The following KIF13B variants were observed in gnomAD, a reference collection of about 807,000 sequenced individuals.
KIF13B encodes kinesin-like protein KIF13B.
KIF13B carries 127 observed loss-of-function variants against 222.0 expected under a neutral mutation model. The observed-to-expected ratio is 0.57, with a 90% CI of 0.50 to 0.66. The LOEUF (loss-of-function observed/expected upper bound fraction) is 0.66. Among genes scored for constraint, KIF13B ranks in the 30% least tolerant of loss-of-function variants. KIF13B has a pLI of 0.00. For missense variants in KIF13B, 2,173 were observed against 2,379.0 expected, an observed-to-expected ratio of 0.91 and a Z score of 1.80; for synonymous variants, 976 against 919.0, an observed-to-expected ratio of 1.06 and a Z score of -1.12.
rs370503075 is a variant in KIF13B at position 29,241,687 on chromosome 8, G to A, written c.149+3659C>T. 1.0e-4 allele frequency among the ~76,000 whole-genome samples: 13 copies of A among 124,970 alleles called. 1 individual carries two copies. The highest frequency in any genetic ancestry group is 2.5e-4 in the African/African-American group (8 of 31,674). 82.0% of individuals were successfully genotyped at this position (124,970 alleles called of 152,430 possible). A position where few individuals can be genotyped will look rare whatever the true frequency, so the allele number is the denominator to read the frequency against. On this transcript the variant is annotated intron_variant, in intron 2 of 39. Transcript: ENST00000524189. ...CAGTCTCTGTGCTTTTCATCACCAC[G>A]CACCCGCAGCAAGGGAGGGAAAAAA...
intron 2 of KIF13B, among the ~76,000 whole-genome samples, chr8:29,232,354 T>C (rs1815322428): frequency 6.7e-6 from 1 of 149,300 alleles, no homozygotes. Context: ...GGAGGATCAC[T>C]TGAGGCCAGG....
intron 13 of KIF13B, among the ~76,000 whole-genome samples, chr8:29,159,982 C>G (rs1409159027): frequency 1.3e-5 from 2 of 152,234 alleles, no homozygotes; most frequent in African/African-American, 2.4e-5. Flanking sequence ...GGGAAAGAAA[C>G]TGTGTGCCAA....
chr8:29,197,349 A>C (rs1431280496), intron 2 of KIF13B, among the ~76,000 whole-genome samples: 4 of 149,686 alleles, frequency 2.7e-5, no homozygotes, highest in Non-Finnish European at 4.5e-5. Context: ...AAAAAAAAAA[A>C]AAAAAAAAAA....
chr8:29,116,455 C>T (rs996801024), intron 31 of KIF13B, among the ~76,000 whole-genome samples: 7 of 151,662 alleles, frequency 4.6e-5, no homozygotes, highest in African/African-American at 1.7e-4. Context: ...AGCAACAGAG[C>T]AAGACTCTAT....
At chr8:29,212,221 T>G (rs1038777261) in intron 2 of KIF13B, among the ~76,000 whole-genome samples, 1 of 152,220 alleles carries the variant, frequency 6.6e-6, no homozygotes, top group Non-Finnish European at 1.5e-5. Flanking sequence ...TTGGGTCACA[T>G]GGTAAGTATG....
At position 29,260,255 on chromosome 8, in the gene KIF13B, C is replaced by A. The variant is rs375905837; in HGVS notation, c.55+2725G>T. On this transcript the variant is annotated intron_variant, in intron 1 of 39. Transcript: ENST00000524189. ...CCTTAAAACTCCAAACACCTAAGCACAACCACTGAATCACACAAGAACTTA... is the reference window on the plus strand; with the variant it reads ...CCTTAAAACTCCAAACACCTAAGCAAAACCACTGAATCACACAAGAACTTA... 9.2e-5 allele frequency among the ~76,000 whole-genome samples: 14 copies of A among 152,316 alleles called. No homozygotes were observed. In the East Asian group the frequency reaches 1.7e-3, roughly 19 times the overall value.
At chr8:29,148,997 T>G (rs748922255) in intron 15 of KIF13B, among the ~76,000 whole-genome samples, 12 of 151,134 alleles carry the variant, frequency 7.9e-5, no homozygotes, top group Non-Finnish European at 1.6e-4. Context: ...AAGCTCAGAG[T>G]GAAAGGAAAG....
At chr8:29,074,837 T>C (rs969384836) in intron 38 of KIF13B, among the ~76,000 whole-genome samples, 12 of 152,194 alleles carry the variant, frequency 7.9e-5, no homozygotes, top group African/African-American at 1.2e-4. Flanking sequence ...TGGGAGAAAA[T>C]AGATTTGCTA....
chr8:29,102,941 G>A (rs1026860601), intron 35 of KIF13B, among the ~76,000 whole-genome samples: 2 of 152,132 alleles, frequency 1.3e-5, no homozygotes, highest in Non-Finnish European at 2.9e-5. Flanking sequence ...AATAACTTTG[G>A]AAATAAAAAT....
chr8:29,073,060 C>CAGAGGGACGAGGAGGGGTACGAGG (rs1563678104), intron 38 of KIF13B, among the ~76,000 whole-genome samples: 1 of 120,930 alleles, frequency 8.3e-6, no homozygotes, highest in African/African-American at 2.9e-5. Flanking sequence ...AGCAAGGCAG[C>CAGAGGGACGAGGAGGGGTACGAGG]AGGGGGACGA....
At chr8:29,156,889 T>C (rs1811557694) in intron 13 of KIF13B, among the ~76,000 whole-genome samples, 1 of 152,066 alleles carries the variant, frequency 6.6e-6, no homozygotes, top group Non-Finnish European at 1.5e-5. Context: ...ATATATCAAA[T>C]GGAATAAGCG....
In KIF13B at chr8:29,229,088, T is replaced by TAAAAAAAAAAAAA. The variant is rs370080449; in HGVS notation, c.149+16245_149+16257dup. 1.6e-4 allele frequency among the ~76,000 whole-genome samples: 15 copies of TAAAAAAAAAAAAA among 94,692 alleles called. 2 individuals are homozygous for TAAAAAAAAAAAAA. The highest frequency in any genetic ancestry group is 6.2e-4 in the East Asian group (2 of 3,232). The allele number at this position is 94,692 out of a possible 152,430, so 62.1% of individuals were successfully genotyped here. A position where few individuals can be genotyped will look rare whatever the true frequency, so the allele number is the denominator to read the frequency against. ...TTTCCTAACTCCAGAATGTCAGCTT[T>TAAAAAAAAAAAAA]AAAAAAAAAAAAAAAAAAAAAAAGC... is the stretch of plus-strand genomic sequence containing the variant. On this transcript the variant is annotated intron_variant, in intron 2 of 39. Transcript: ENST00000524189.
At chr8:29,142,551 G>C (rs755628528) in intron 18 of KIF13B, among the ~76,000 whole-genome samples, 2 of 152,054 alleles carry the variant, frequency 1.3e-5, no homozygotes, top group Non-Finnish European at 2.9e-5. Flanking sequence ...AATTTTTTGG[G>C]GGGAGTTGCT....
chr8:29,150,780 A>G (rs1032077838), intron 14 of KIF13B, among the ~76,000 whole-genome samples: 3 of 152,220 alleles, frequency 2.0e-5, no homozygotes, highest in African/African-American at 7.2e-5. Flanking sequence ...AACTGCACCC[A>G]TGTAAAATGG....
intron 21 of KIF13B, among the ~76,000 whole-genome samples, chr8:29,135,538 T>C (rs1211082321): frequency 1.3e-5 from 2 of 152,224 alleles, no homozygotes; most frequent in African/African-American, 4.8e-5. Context: ...TGTTGTATGA[T>C]TTAATCTACC....
intron 2 of KIF13B, chr8:29,219,408 A>AAG (rs1259844061): frequency 6.6e-6 from 1 of 152,360 alleles, no homozygotes; most frequent in Non-Finnish European, 1.5e-5. Context: ...AAAGCAAGAA[A>AAG]AGGAAGAGGA....
At chr8:29,131,862 A>T (rs1300140052) in intron 23 of KIF13B, among the ~76,000 whole-genome samples, 1 of 152,252 alleles carries the variant, frequency 6.6e-6, no homozygotes, top group Non-Finnish European at 1.5e-5. Context: ...CCCTGGAGAC[A>T]CTGCCATCCC....
Position 29,228,472 on chromosome 8 carries a change from A to AAAAAAAAAAAAATATATATATATAT in KIF13B, c.149+16873_149+16874insATATATATATATATTTTTTTTTTTT. ...ACAGAGCCAGACTCCATCTTAAAAAAATATATATATATATATATGAGATAC... is the reference window on the plus strand; with the variant it reads ...ACAGAGCCAGACTCCATCTTAAAAAAAAAAAAAAAAAATATATATATATATATATATATATATATATATGAGATAC... On this transcript the variant is annotated intron_variant, in intron 2 of 39. Coordinates refer to ENST00000524189, the MANE Select transcript of KIF13B (RefSeq NM_015254.4). 3.4e-5 allele frequency among the ~76,000 whole-genome samples: 4 copies of AAAAAAAAAAAAATATATATATATAT among 117,082 alleles called. 1 individual carries two copies. Among genetic ancestry groups the AAAAAAAAAAAAATATATATATATAT allele is most frequent in the African/African-American group, 9.8e-5 (3 of 30,728 alleles). 76.8% of individuals were successfully genotyped at this position (117,082 alleles called of 152,430 possible).
At chr8:29,230,673 C>T (rs559404261) in intron 2 of KIF13B, among the ~76,000 whole-genome samples, 35 of 152,246 alleles carry the variant, frequency 2.3e-4, no homozygotes, top group African/African-American at 7.9e-4. Flanking sequence ...GGCGTGAGCC[C>T]AGACTGAGCT....
Sources: gnomAD v4.1 joint callset for allele counts (sites outside exome capture counted in the v4.1 genomes callset) on GRCh38, gnomAD v4.1.1 for gene constraint, MANE v1.5 for transcripts, NCBI Gene and HGNC (gene_info 2026-07-23, HGNC 2026-07-21) for gene names.